The following ASAP1 variants were observed in gnomAD, a reference collection of about 807,000 sequenced individuals.
ASAP1 encodes the protein arf-GAP with SH3 domain, ANK repeat and PH domain-containing protein 1.
A neutral mutation model predicts 145.2 loss-of-function variants in ASAP1; 43 were observed. The observed-to-expected ratio is 0.30, with a 90% CI of 0.23 to 0.38. The LOEUF (loss-of-function observed/expected upper bound fraction) is 0.38. Ranked by LOEUF, ASAP1 falls within the 10% of genes least tolerant of loss-of-function variation. The probability of loss-of-function intolerance (pLI) is 1.00; values close to 1 mark genes in which losing one functional copy is unlikely to be tolerated. For synonymous variants in ASAP1, 546 were observed against 515.5 expected (o/e 1.06, Z -0.80); for missense variants, 1,018 against 1,355.3 (o/e 0.75, Z 3.91).
chr8:130,121,784 C>CAAAAAAAAAAAAAAAAAA (rs56996962), intron 18 of ASAP1, among the ~76,000 whole-genome samples: 4 of 25,408 alleles, frequency 1.6e-4, no homozygotes, highest in African/African-American at 2.6e-4. Flanking sequence ...AATTCCATCT[C>CAAAAAAAAAAAAAAAAAA]AAAAAAAAAA....
chr8:130,233,244 G>A (rs1387619054), intron 4 of ASAP1, among the ~76,000 whole-genome samples: 1 of 152,066 alleles, frequency 6.6e-6, no homozygotes, highest in Non-Finnish European at 1.5e-5. Context: ...TCCATTTGAT[G>A]GATCCATTCA....
intron 2 of ASAP1, among the ~76,000 whole-genome samples, chr8:130,394,558 T>C (rs1219773027): frequency 6.6e-6 from 1 of 152,196 alleles, no homozygotes; most frequent in Non-Finnish European, 1.5e-5. Context: ...TGATATTCTA[T>C]TACCTTGTAA....
intron 2 of ASAP1, among the ~76,000 whole-genome samples, chr8:130,398,330 CCT>C (rs1159035967): frequency 5.3e-5 from 8 of 152,182 alleles, no homozygotes; most frequent in Non-Finnish European, 1.2e-4. Flanking sequence ...AAGTTACTAT[CCT>C]CTCTGACTCT....
intron 2 of ASAP1, among the ~76,000 whole-genome samples, chr8:130,373,995 T>C (rs1460870965): frequency 6.7e-6 from 1 of 148,600 alleles, no homozygotes; most frequent in Non-Finnish European, 1.5e-5. Context: ...TTAAAAAATA[T>C]TTGGTGCTCA....
At chr8:130,382,104 G>C (rs1490606358) in intron 2 of ASAP1, among the ~76,000 whole-genome samples, 2 of 151,942 alleles carry the variant, frequency 1.3e-5, no homozygotes, top group Non-Finnish European at 2.9e-5. Flanking sequence ...GGCTAACACG[G>C]TGAAACCCCG....
chr8:130,326,283 A>G (rs1385725615), intron 3 of ASAP1, among the ~76,000 whole-genome samples: 16 of 152,230 alleles, frequency 1.1e-4, no homozygotes, highest in Admixed American at 1.0e-3. Context: ...TTGCTTTTAC[A>G]AGTCTACTAT....
chr8:130,183,680 T>C (rs1814524651), intron 7 of ASAP1, among the ~76,000 whole-genome samples: 1 of 152,170 alleles, frequency 6.6e-6, no homozygotes, highest in Non-Finnish European at 1.5e-5. Context: ...ATTTACCACT[T>C]TTATAAAAAT....
At chr8:130,114,793 A>G (rs1044899725) in intron 23 of ASAP1, among the ~76,000 whole-genome samples, 1 of 135,918 alleles carries the variant, frequency 7.4e-6, no homozygotes, top group African/African-American at 2.8e-5. Flanking sequence ...TTTTTTTAAG[A>G]TATAGGGTCT....
chr8:130,295,840 C>G (rs1822238990), intron 3 of ASAP1, among the ~76,000 whole-genome samples: 2 of 152,102 alleles, frequency 1.3e-5, no homozygotes, highest in South Asian at 4.1e-4. Context: ...CTTTTTGGAC[C>G]AGATCTTAGC....
intron 2 of ASAP1, among the ~76,000 whole-genome samples, chr8:130,379,075 T>C (rs868298438): frequency 5.3e-5 from 8 of 152,254 alleles, no homozygotes; most frequent in South Asian, 4.1e-4. Flanking sequence ...GGACTAAAGA[T>C]AGAGCTCAAT....
chr8:130,366,884 TC>T (rs1826975988), intron 2 of ASAP1, among the ~76,000 whole-genome samples: 1 of 141,342 alleles, frequency 7.1e-6, no homozygotes, highest in Non-Finnish European at 1.5e-5. Flanking sequence ...TATGCTAGAT[TC>T]CTTTTTTTTT....
chr8:130,083,312 A>G (rs1344379551), intron 25 of ASAP1: 1 of 152,206 alleles, frequency 6.6e-6, no homozygotes, highest in African/African-American at 2.4e-5. Context: ...TTTCCCTGCA[A>G]GGAAGGCCTG....
Position 130,443,648 on chromosome 8 carries a change from G to T in ASAP1, c.-216C>A, listed in dbSNP as rs1043507851. The T allele has an allele frequency of 4.0e-5, 6 of 151,870 alleles. No homozygotes were observed. The highest frequency in any genetic ancestry group is 1.4e-4 in the African/African-American group (6 of 41,388). The allele number at this position is 151,870 out of a possible 1,614,324, so 9.4% of individuals were successfully genotyped here. A position where few individuals can be genotyped will look rare whatever the true frequency, so the allele number is the denominator to read the frequency against. ...CAGGCGAGGCGCGGGAGCCGAGCGC[G>T]GCGCAGGAAGGGGCGGGCGACCATG... is the stretch of plus-strand genomic sequence containing the variant. On this transcript the variant is annotated 5_prime_UTR_variant, in exon 1 of 30. Transcript: ENST00000518721.
At chr8:130,311,319 A>C (rs1823326771) in intron 3 of ASAP1, among the ~76,000 whole-genome samples, 1 of 152,262 alleles carries the variant, frequency 6.6e-6, no homozygotes, top group South Asian at 2.1e-4. Flanking sequence ...ATAGGTGGTA[A>C]TTTTGAAAAG....
chr8:130,084,439 G>A (rs2097488175), intron 25 of ASAP1: 2 of 152,228 alleles, frequency 1.3e-5, no homozygotes, highest in African/African-American at 4.8e-5. Context: ...ATACAGATGT[G>A]TGTAAGAGAA....
intron 4 of ASAP1, 57 bp from the exon 5 acceptor site, chr8:130,214,758 G>C: frequency 6.9e-7 from 1 of 1,440,410 alleles, no homozygotes; most frequent in Non-Finnish European, 9.4e-7. Context: ...ACAATGAAAA[G>C]TTACTTTGAA....
chr8:130,358,611 C>CGGCG lies in ASAP1; in HGVS notation c.60-472_60-469dup, dbSNP rs1287632034. Among the ~76,000 whole-genome samples, 512 of 145,086 alleles carry CGGCG rather than the reference C, an allele frequency of 3.5e-3. 2 individuals are homozygous for CGGCG. The highest frequency in any genetic ancestry group is 0.029 in the Middle Eastern group (8 of 276). ...CTGACTGACTGAGCGCACACTCCCG[C>CGGCG]GGCGGGCGGGCGGGCGGGCGGCGCT... On this transcript the variant is annotated intron_variant, in intron 2 of 29. Transcript: ENST00000518721. The surrounding 1 kb of genome is among the most constrained non-coding windows in gnomAD (Gnocchi z 4.1).
intron 9 of ASAP1, among the ~76,000 whole-genome samples, chr8:130,172,486 T>C (rs879186934): frequency 1.3e-5 from 2 of 152,192 alleles, no homozygotes; most frequent in South Asian, 4.1e-4. Context: ...ATTTTTTTTT[T>C]TAAAGGTGAG....
At chr8:130,123,551 TG>T (rs545294180) in intron 18 of ASAP1, among the ~76,000 whole-genome samples, 131 of 152,332 alleles carry the variant, frequency 8.6e-4, no homozygotes, top group African/African-American at 3.1e-3. Flanking sequence ...TACTTTTCTT[TG>T]TTCTGCTTTC....
Sources: gnomAD v4.1 joint callset for allele counts (sites outside exome capture counted in the v4.1 genomes callset) on GRCh38, gnomAD v4.1.1 for gene constraint, Gnocchi (gnomAD v3.1) non-coding constraint, MANE v1.5 for transcripts, NCBI Gene and HGNC (gene_info 2026-07-23, HGNC 2026-07-21) for gene names.